The following WDR72 variants were observed in gnomAD, a reference collection of about 807,000 sequenced individuals.
WDR72 encodes WD repeat domain 72.
A neutral mutation model predicts 124.2 loss-of-function variants in WDR72; 120 were observed. The ratio of observed to expected loss-of-function variants is 0.97; its 90% confidence interval spans 0.83 to 1.12. The LOEUF is 1.12. WDR72 is among the 50% of genes most tolerant of loss of function. The probability of loss-of-function intolerance (pLI) is 0.00; values close to 1 mark genes in which losing one functional copy is unlikely to be tolerated. For synonymous variants in WDR72, 452 were observed against 441.7 expected (o/e 1.02, Z -0.29); for missense variants, 1,387 against 1,278.8 (o/e 1.08, Z -1.29).
intron 13 of WDR72, among the ~76,000 whole-genome samples, chr15:53,692,899 T>C (rs2140506735): frequency 6.6e-6 from 1 of 152,278 alleles, no homozygotes; most frequent in Middle Eastern, 3.4e-3. Context: ...CCCTATACTT[T>C]AATGTATCCT....
At chr15:53,628,176 G>A (rs2140389586) in intron 14 of WDR72, among the ~76,000 whole-genome samples, 1 of 152,254 alleles carries the variant, frequency 6.6e-6, no homozygotes, top group Middle Eastern at 3.4e-3. Flanking sequence ...TTAGTAATCT[G>A]AAAGACCCTA....
At chr15:53,723,097 G>A (rs1426784435) in intron 2 of WDR72, among the ~76,000 whole-genome samples, 189 bp from the exon 3 acceptor site, 1 of 152,184 alleles carries the variant, frequency 6.6e-6, no homozygotes, top group East Asian at 1.9e-4. Context: ...GAATTGTGCT[G>A]TAGACAGGTT....
chr15:53,643,102 C>G (rs575013247), intron 14 of WDR72, among the ~76,000 whole-genome samples: 1 of 152,090 alleles, frequency 6.6e-6, no homozygotes, highest in South Asian at 2.1e-4. Flanking sequence ...GGAAAAAAAG[C>G]GAAAGAATTC....
At chr15:53,720,175 T>C (rs2017836554) in intron 3 of WDR72, among the ~76,000 whole-genome samples, 1 of 152,196 alleles carries the variant, frequency 6.6e-6, no homozygotes, top group Non-Finnish European at 1.5e-5. Flanking sequence ...CTTTTATTTT[T>C]TATTTCTTTT....
chr15:53,699,948 G>A lies in WDR72; in HGVS notation c.1570-3C>T. On this transcript the variant is annotated splice_polypyrimidine_tract_variant and splice_region_variant and intron_variant, in intron 12 of 19. Transcript: ENST00000360509. ...CAAATTATCTGCTCACCCCTTAGCTGTGAAAAAACAACATGCTTATGTAAG... is the reference window on the plus strand; with the variant it reads ...CAAATTATCTGCTCACCCCTTAGCTATGAAAAAACAACATGCTTATGTAAG... 1 of 1,614,038 alleles carries A rather than the reference G, an allele frequency of 6.2e-7. No individual in the cohort carries two copies. Among genetic ancestry groups the A allele is most frequent in the South Asian group, 1.1e-5 (1 of 91,070 alleles).
intron 14 of WDR72, among the ~76,000 whole-genome samples, chr15:53,642,017 G>A (rs2014870380): frequency 6.6e-6 from 1 of 151,622 alleles, no homozygotes; most frequent in Non-Finnish European, 1.5e-5. Flanking sequence ...GTAGATTACT[G>A]TAATTTTACT....
At chr15:53,615,097 T>C (rs1223105625) in intron 15 of WDR72, among the ~76,000 whole-genome samples, 1 of 152,178 alleles carries the variant, frequency 6.6e-6, no homozygotes, top group East Asian at 1.9e-4. Flanking sequence ...TGTGTCTATG[T>C]ATGTATATGT....
chr15:53,722,743 G>GA, intron 3 of WDR72, 59 bp downstream of exon 3: 1 of 1,450,010 alleles, frequency 6.9e-7, no homozygotes, highest in Middle Eastern at 1.7e-4. Context: ...GTATTCCATT[G>GA]TAGTTTTTAA....
chr15:53,530,228 A>G (rs1026533817), intron 18 of WDR72, among the ~76,000 whole-genome samples: 1 of 151,594 alleles, frequency 6.6e-6, no homozygotes, highest in African/African-American at 2.4e-5. Flanking sequence ...TTTATCTACA[A>G]TTTGGTAAAG....
At position 53,615,822 on chromosome 15, in the gene WDR72, G is replaced by T; in HGVS notation, c.2384C>A (p.Ala795Glu). Residue 795 changes from alanine to glutamate, a missense_variant, in exon 15 of 20, where the codon GCA (alanine) becomes GAA (glutamate). By Grantham distance (107) the Ala-to-Glu change is moderately radical (BLOSUM62 -1). Transcript: ENST00000360509. ...CAAAAGGCAAGACAGAAACAATTTT[G>T]CTGTGTCTATTGTGAGACTGGCATC... Reference protein sequence around the residue: ...KVDASLTIDTAKLFLSCLLPW... With the variant: ...KVDASLTIDTEKLFLSCLLPW... 1 of 1,613,574 alleles carries T rather than the reference G, an allele frequency of 6.2e-7. No individual in the cohort carries two copies. Among genetic ancestry groups the T allele is most frequent in the Non-Finnish European group, 8.5e-7 (1 of 1,179,646 alleles).
chr15:53,665,675 G>C lies in WDR72; in HGVS notation c.1859C>G (p.Ala620Gly). 1 of 1,613,914 alleles carries C rather than the reference G, an allele frequency of 6.2e-7. No individual in the cohort carries two copies. The highest frequency in any genetic ancestry group is 8.5e-7 in the Non-Finnish European group (1 of 1,179,900). ...SQLVKSVLPI[A>G]SETLKHKSIE... ...ACTTTTGTGCTTAAGTGTCTCTGAG[G>C]CAATGGGAAGTACAGACTTCACAAG... The change falls in exon 14 of 20, where the codon GCC (alanine) becomes GGC (glycine). Residue 620 changes from alanine (A) to glycine (G), a missense_variant. Transcript: ENST00000360509.
At chr15:53,541,556 A>G (rs1893137460) in intron 18 of WDR72, among the ~76,000 whole-genome samples, 1 of 151,752 alleles carries the variant, frequency 6.6e-6, no homozygotes, top group South Asian at 2.1e-4. Flanking sequence ...AACAGAACAG[A>G]AAAACTGGAT....
chr15:53,617,654 C>T (rs975134340), intron 14 of WDR72, among the ~76,000 whole-genome samples: 3 of 151,494 alleles, frequency 2.0e-5, no homozygotes, highest in African/African-American at 7.3e-5. Flanking sequence ...AATAACAATT[C>T]ACAAAACAAA....
At chr15:53,712,980 G>C in intron 6 of WDR72, 89 bp from the exon 7 acceptor site, 1 of 1,451,262 alleles carries the variant, frequency 6.9e-7, no homozygotes, top group African/African-American at 1.4e-5. Context: ...ATCTCAAGTA[G>C]ATCACACCAT....
At position 53,702,319 on chromosome 15, in the gene WDR72, G is replaced by A. The variant is rs749980750; in HGVS notation, c.1384C>T (p.Gln462Ter). The A allele has an allele frequency of 1.2e-6, 2 of 1,613,896 alleles. No homozygotes were observed. Among genetic ancestry groups the A allele is most frequent in the Non-Finnish European group, 1.7e-6 (2 of 1,179,876 alleles). The change falls in exon 12 of 20, where the codon CAA becomes TAA. Residue 462 changes from glutamine to a stop codon, truncating the protein, a stop_gained. Transcript: ENST00000360509. LOFTEE classifies it high-confidence loss of function. Reference sequence around the variant, plus strand: ...GGATAGAGTAATGAAGTGACACTTTGGTGGTGGCCTTTAAGAACTTTATGA... The same window carrying A: ...GGATAGAGTAATGAAGTGACACTTTAGTGGTGGCCTTTAAGAACTTTATGA... ...PPHKVLKGHHQSVTSLLYPHG... is the reference protein window; with the variant it reads ...PPHKVLKGHH
chr15:53,602,967 T>C (rs1195456009), intron 17 of WDR72, among the ~76,000 whole-genome samples: 1 of 152,050 alleles, frequency 6.6e-6, no homozygotes, highest in Non-Finnish European at 1.5e-5. Flanking sequence ...AAGGAAAGGA[T>C]TCGTCCCTAA....
intron 15 of WDR72, among the ~76,000 whole-genome samples, chr15:53,614,839 T>A (rs2013689127): frequency 6.6e-6 from 1 of 152,050 alleles, no homozygotes; most frequent in South Asian, 2.1e-4. Flanking sequence ...ACAGCTAGTG[T>A]AATCTCAACA....
At chr15:53,531,512 G>A (rs571913762) in intron 18 of WDR72, among the ~76,000 whole-genome samples, 2 of 152,170 alleles carry the variant, frequency 1.3e-5, no homozygotes, top group Non-Finnish European at 2.9e-5. Context: ...ATAACACTGA[G>A]TATTTGGACT....
Position 53,517,559 on chromosome 15 carries a change from T to G in WDR72, c.*140A>C. ...CATGTATTAAAATCACTTTAATACA[T>G]GTTGGCTAAAGTATTAGCAAATCCA... On this transcript the variant is annotated 3_prime_UTR_variant, in exon 20 of 20. Transcript: ENST00000360509. The G allele has an allele frequency of 1.2e-6, 1 of 821,762 alleles. No individual in the cohort carries two copies. Among genetic ancestry groups the G allele is most frequent in the Admixed American group, 1.9e-5 (1 of 53,438 alleles). The allele number at this position is 821,762 out of a possible 1,614,324, so 50.9% of individuals were successfully genotyped here.
Sources: allele counts gnomAD v4.1 joint callset (sites outside exome capture counted in the v4.1 genomes callset), GRCh38; gene constraint gnomAD v4.1.1; transcripts MANE v1.5; gene names NCBI Gene and HGNC (gene_info 2026-07-23, HGNC 2026-07-21).